HACD4: variants seen among roughly 807,000 people sequenced by gnomAD.
The protein encoded by HACD4 is 3-hydroxyacyl-CoA dehydratase 4.
Under a neutral mutation model 33.3 loss-of-function variants are expected in HACD4, and 35 were observed. The observed-to-expected ratio is 1.05, with a 90% CI of 0.80 to 1.39. The LOEUF is 1.39. Among genes scored for constraint, HACD4 ranks in the 40% most tolerant of loss-of-function variants. The probability of loss-of-function intolerance (pLI) is 0.00; values close to 1 mark genes in which losing one functional copy is unlikely to be tolerated. For missense variants in HACD4, 323 were observed against 276.5 expected (o/e 1.17, Z -1.19); for synonymous variants, 118 against 98.0 (o/e 1.20, Z -1.21).
At chr9:21,014,303 G>C (rs756217474) in intron 4 of HACD4, among the ~76,000 whole-genome samples, 1 of 152,170 alleles carries the variant, frequency 6.6e-6, no homozygotes, top group African/African-American at 2.4e-5. Context: ...CCAAACAGTA[G>C]AAACCACCCA....
chr9:21,017,750 A>C (rs1490896848), intron 3 of HACD4: 1 of 152,204 alleles, frequency 6.6e-6, no homozygotes, highest in African/African-American at 2.4e-5. Context: ...CCTCCAGATA[A>C]AACATTCTGA....
Position 21,006,926 on chromosome 9 carries a change from T to C in HACD4, c.*111A>G. 1 of 745,156 alleles carries C rather than the reference T, an allele frequency of 1.3e-6. No individual in the cohort carries two copies. The highest frequency in any genetic ancestry group is 2.4e-6 in the Non-Finnish European group (1 of 409,592). 46.2% of individuals were successfully genotyped at this position (745,156 alleles called of 1,614,324 possible). On this transcript the variant is annotated 3_prime_UTR_variant, in exon 7 of 7. Coordinates refer to ENST00000495827, the MANE Select transcript of HACD4 (RefSeq NM_001010915.5). This position sits in a 1 kb window ranked among gnomAD's most constrained non-coding sequence, Gnocchi z 4.6. ...GGGTATGTGCAGTTATTTCATGTAA[T>C]GGATTTTTATCAAATACAAGGTATT...
rs1842249758 is a variant in HACD4, at chr9:21,005,566, T to C, written c.*1471A>G. The C allele has an allele frequency of 6.6e-6, 1 of 152,230 alleles. No homozygotes were observed. The highest frequency in any genetic ancestry group is 1.5e-5 in the Non-Finnish European group (1 of 68,046). 9.4% of individuals were successfully genotyped at this position (152,230 alleles called of 1,614,324 possible). A position where few individuals can be genotyped will look rare whatever the true frequency, so the allele number is the denominator to read the frequency against. On this transcript the variant is annotated 3_prime_UTR_variant, in exon 7 of 7. Transcript: ENST00000495827. The surrounding 1 kb of genome is among the most constrained non-coding windows in gnomAD (Gnocchi z 4.0). The stretch of plus-strand genomic sequence containing the variant: ...GAGCTATTCAGCTGTGAATGTACAC[T>C]ATTCTTCAAGAAAAGGAGAAACTGA...
chr9:21,022,827 A>G (rs1011724296), intron 3 of HACD4, among the ~76,000 whole-genome samples: 9 of 152,018 alleles, frequency 5.9e-5, no homozygotes, highest in Non-Finnish European at 1.3e-4. Flanking sequence ...TCAAGGATCT[A>G]GAACTAGAAA....
At chr9:21,009,240 T>A (rs943342496) in intron 5 of HACD4, among the ~76,000 whole-genome samples, 1 of 152,290 alleles carries the variant, frequency 6.6e-6, no homozygotes, top group East Asian at 1.9e-4. Context: ...CACAGAAAGA[T>A]AAAATTACAA....
At position 21,031,585 on chromosome 9, in the gene HACD4, C is replaced by T. The variant is rs1238836969; in HGVS notation, c.6G>A (p.Gly2=). 8 of 1,438,580 alleles carry T rather than the reference C, an allele frequency of 5.6e-6. No individual in the cohort carries two copies. The highest frequency in any genetic ancestry group is 7.3e-6 in the Non-Finnish European group (8 of 1,101,564). The allele number at this position is 1,438,580 out of a possible 1,614,324, so 89.1% of individuals were successfully genotyped here. The part of the protein sequence containing the change: M[G]PLALPAWLQP... ...GCAGCCAGGCGGGCAGCGCCAAGGG[C>T]CCCATGGGCCGCCGCCGCCAGGGCT... Residue 2 remains glycine (G), a synonymous_variant, in exon 1 of 7, where the codon GGG becomes GGA. Coordinates refer to ENST00000495827, the MANE Select transcript of HACD4 (RefSeq NM_001010915.5).
At chr9:21,027,857 G>A (rs575444448) in intron 2 of HACD4, among the ~76,000 whole-genome samples, 26 of 152,268 alleles carry the variant, frequency 1.7e-4, no homozygotes, top group African/African-American at 4.6e-4. Flanking sequence ...GCGCCGAGCC[G>A]GGCACAGTGG....
chr9:21,030,151 A>C (rs1286984352), intron 1 of HACD4, among the ~76,000 whole-genome samples: 10 of 152,224 alleles, frequency 6.6e-5, no homozygotes, highest in African/African-American at 2.4e-4. Context: ...CTTTAAAAAA[A>C]CAAAACAGGC....
rs74967072 is a variant in HACD4 at position 21,003,275 on chromosome 9, A to G, written c.*3762T>C. The G allele has an allele frequency of 4.6e-5, 7 of 152,236 alleles. No homozygotes were observed. The East Asian group carries it at 1.3e-3, about 29-fold the overall frequency. The allele number at this position is 152,236 out of a possible 1,614,324, so 9.4% of individuals were successfully genotyped here. On this transcript the variant is annotated 3_prime_UTR_variant, in exon 7 of 7. Coordinates refer to ENST00000495827, the MANE Select transcript of HACD4 (RefSeq NM_001010915.5). ...TAAAAAATTAAAGCATTATTTAATA[A>G]TGAAATTTTAATTTATTATAATGAC...
rs1842244494 is a variant in HACD4, at chr9:21,005,361, A to G, written c.*1676T>C. The stretch of plus-strand genomic sequence containing the variant: ...TGTCTGCATTACAAAAAGATAAGAA[A>G]ACACGTTTGGTAGAGAACACTAAGA... On this transcript the variant is annotated 3_prime_UTR_variant, in exon 7 of 7. Transcript: ENST00000495827. The surrounding 1 kb of genome is among the most constrained non-coding windows in gnomAD (Gnocchi z 4.0). 6.6e-6 allele frequency: 1 copy of G among 152,190 alleles called. No homozygotes were observed. Among genetic ancestry groups the G allele is most frequent in the Non-Finnish European group, 1.5e-5 (1 of 68,028 alleles). The allele number at this position is 152,190 out of a possible 1,614,324, so 9.4% of individuals were successfully genotyped here.
chr9:21,023,993 G>A (rs1490701580), intron 3 of HACD4, among the ~76,000 whole-genome samples: 1 of 152,066 alleles, frequency 6.6e-6, no homozygotes, highest in African/African-American at 2.4e-5. Flanking sequence ...TTAAAAATGG[G>A]GAAACAGGAA....
At chr9:21,013,651 T>A (rs1011087881) in intron 4 of HACD4, among the ~76,000 whole-genome samples, 9 of 152,186 alleles carry the variant, frequency 5.9e-5, no homozygotes, top group African/African-American at 2.2e-4. Flanking sequence ...TCCTTTCATT[T>A]ATTTAGCTCT....
At chr9:21,029,535 C>A in intron 1 of HACD4, 137 bp from the exon 2 acceptor site, 1 of 499,976 alleles carries the variant, frequency 2.0e-6, no homozygotes, top group Non-Finnish European at 3.6e-6. Context: ...ATCTGGTTAC[C>A]CCCAAGTACA....
chr9:21,007,043 C>G lies in HACD4; in HGVS notation c.693G>C (p.Lys231Asn). Residue 231 changes from lysine to asparagine, a missense_variant, in exon 7 of 7, where the codon AAG becomes AAC. Coordinates refer to ENST00000495827, the MANE Select transcript of HACD4 (RefSeq NM_001010915.5). ...ILGIFPIKKKKM is the reference protein window; with the variant it reads ...ILGIFPIKKKNM ...CACACTGGAATGCTGTACTTCACATCTTCTTTTTTTTAATGGGAAAGATTC... is the reference window on the plus strand; with the variant it reads ...CACACTGGAATGCTGTACTTCACATGTTCTTTTTTTTAATGGGAAAGATTC... The G allele has an allele frequency of 1.3e-6, 2 of 1,561,492 alleles. No individual in the cohort carries two copies. The highest frequency in any genetic ancestry group is 1.7e-4 in the Middle Eastern group (1 of 5,974).
chr9:21,022,959 G>C (rs903352607), intron 3 of HACD4, among the ~76,000 whole-genome samples: 2 of 152,002 alleles, frequency 1.3e-5, no homozygotes, highest in African/African-American at 4.8e-5. Context: ...CAAAGACTTG[G>C]AACCAACCCA....
At position 21,028,162 on chromosome 9, in the gene HACD4, A is replaced by G. The variant is rs552064338; in HGVS notation, c.142+1133T>C. 2.0e-5 allele frequency among the ~76,000 whole-genome samples: 3 copies of G among 151,742 alleles called. No homozygotes were observed. The East Asian group carries it at 5.8e-4, about 29-fold the overall frequency. On this transcript the variant is annotated intron_variant, in intron 2 of 6. Coordinates refer to ENST00000495827, the MANE Select transcript of HACD4 (RefSeq NM_001010915.5). The stretch of plus-strand genomic sequence containing the variant: ...AAAAAAAAAAAAAAAGAAAAAAGAA[A>G]AGAAAAAAAAAGAAAGAAAAGAAAA...
At chr9:21,015,597 T>C (rs1300213288) in intron 4 of HACD4, 1 of 221,948 alleles carries the variant, frequency 4.5e-6, no homozygotes, top group Non-Finnish European at 8.8e-6. Context: ...ACTAAAGCAA[T>C]TGTGAGGAAT....
chr9:21,022,343 A>G (rs1426007101), intron 3 of HACD4, among the ~76,000 whole-genome samples: 3 of 152,220 alleles, frequency 2.0e-5, no homozygotes, highest in African/African-American at 7.2e-5. Flanking sequence ...AAAACACCAA[A>G]AGCAATGGCA....
chr9:20,999,687 A>G lies in HACD4; in HGVS notation c.*7350T>C, dbSNP rs1424338514. 6.6e-6 allele frequency: 1 copy of G among 152,224 alleles called. No individual in the cohort carries two copies. The highest frequency in any genetic ancestry group is 1.5e-5 in the Non-Finnish European group (1 of 68,034). The allele number at this position is 152,224 out of a possible 1,614,324, so 9.4% of individuals were successfully genotyped here. ...TGAAATTCATTACCTAATTAAGCCG[A>G]TAGATTTCTTGAAATATATTTCTAG... On this transcript the variant is annotated 3_prime_UTR_variant, in exon 7 of 7. Transcript: ENST00000495827.
Sources: allele counts gnomAD v4.1 joint callset (sites outside exome capture counted in the v4.1 genomes callset), GRCh38; gene constraint gnomAD v4.1.1; non-coding constraint Gnocchi (gnomAD v3.1); transcripts MANE v1.5; gene names NCBI Gene and HGNC (gene_info 2026-07-23, HGNC 2026-07-21).